CORO2B: variants seen among roughly 807,000 people sequenced by gnomAD.
The protein encoded by CORO2B is coronin 2B.
Under a neutral mutation model 58.8 loss-of-function variants are expected in CORO2B, and 26 were observed. The observed-to-expected ratio is 0.44, with a 90% CI of 0.32 to 0.61. CORO2B has a LOEUF of 0.61. CORO2B is among the 20% of genes least tolerant of loss of function. CORO2B has a pLI of 0.04. For synonymous variants in CORO2B, 242 were observed against 253.8 expected (o/e 0.95, Z 0.44); for missense variants, 460 against 645.1 (o/e 0.71, Z 3.11).
rs1892890762 is a variant in CORO2B, at chr15:68,710,600, C to A, written c.334-132C>A. The A allele has an allele frequency of 9.2e-7, 1 of 1,090,902 alleles. No individual in the cohort carries two copies. Among genetic ancestry groups the A allele is most frequent in the South Asian group, 1.9e-5 (1 of 51,350 alleles). 67.6% of individuals were successfully genotyped at this position (1,090,902 alleles called of 1,614,324 possible). A position where few individuals can be genotyped will look rare whatever the true frequency, so the allele number is the denominator to read the frequency against. ...CCAGCAGGCCTCAGTCGAGCTTTGC[C>A]CATCGCCTCAAGCCAGGAGGTGGCT... is the stretch of plus-strand genomic sequence containing the variant. On this transcript the variant is annotated intron_variant, in intron 3 of 11. Transcript: ENST00000261861. The surrounding 1 kb of genome is among the most constrained non-coding windows in gnomAD (Gnocchi z 4.1).
At chr15:68,698,896 C>G (rs1198752260) in intron 3 of CORO2B, among the ~76,000 whole-genome samples, 1 of 152,070 alleles carries the variant, frequency 6.6e-6, no homozygotes, top group African/African-American at 2.4e-5. Context: ...AAACGTGGTG[C>G]AGAATGAGGT....
chr15:68,657,925 A>G (rs532112425), intron 2 of CORO2B, among the ~76,000 whole-genome samples: 33 of 152,366 alleles, frequency 2.2e-4, no homozygotes, highest in Middle Eastern at 3.4e-3. Context: ...ATATTATTGT[A>G]TAAAATCAGG....
At chr15:68,572,807 T>C in the CORO2B span, among the ~76,000 whole-genome samples, 1 of 152,146 alleles carries the variant, frequency 6.6e-6, no homozygotes, top group Non-Finnish European at 1.5e-5. Flanking sequence ...GGAAATCTGG[T>C]TCCCAAGTCC....
intron 2 of CORO2B, among the ~76,000 whole-genome samples, chr15:68,658,192 G>A (rs1359806235): frequency 6.6e-6 from 1 of 152,242 alleles, no homozygotes; most frequent in Non-Finnish European, 1.5e-5. Flanking sequence ...GAAACTCTGT[G>A]CTTCTCCTCC....
At chr15:68,636,333 C>A (rs1901030265) in intron 1 of CORO2B, among the ~76,000 whole-genome samples, 1 of 152,142 alleles carries the variant, frequency 6.6e-6, no homozygotes, top group Non-Finnish European at 1.5e-5. Context: ...ACATGTCCGG[C>A]CTTGTTCACC....
chr15:68,683,933 G>T (rs1902877413), intron 2 of CORO2B, among the ~76,000 whole-genome samples: 1 of 152,182 alleles, frequency 6.6e-6, no homozygotes, highest in Non-Finnish European at 1.5e-5. Flanking sequence ...GTGCTGGGAT[G>T]ACAACAGCTC....
chr15:68,568,010 G>A, the CORO2B span, among the ~76,000 whole-genome samples: 2 of 152,150 alleles, frequency 1.3e-5, no homozygotes, highest in East Asian at 3.9e-4. Flanking sequence ...CAGAGTGAGA[G>A]TCCATCTCAA....
intron 2 of CORO2B, among the ~76,000 whole-genome samples, chr15:68,660,856 A>G (rs1901991034): frequency 6.6e-6 from 1 of 152,048 alleles, no homozygotes; most frequent in East Asian, 1.9e-4. Flanking sequence ...TTCTGTAACA[A>G]TGATGGTATC....
chr15:68,682,681 A>G (rs545923995), intron 2 of CORO2B, among the ~76,000 whole-genome samples: 6 of 152,282 alleles, frequency 3.9e-5, no homozygotes, highest in Non-Finnish European at 5.9e-5. Flanking sequence ...CTGCCCCCCA[A>G]AAATGCCTCA....
chr15:68,536,918 C>T, the CORO2B span, among the ~76,000 whole-genome samples: 1 of 152,154 alleles, frequency 6.6e-6, no homozygotes, highest in Non-Finnish European at 1.5e-5. Flanking sequence ...CCACCTGGAG[C>T]CAGGAAGTGA....
intron 2 of CORO2B, among the ~76,000 whole-genome samples, chr15:68,664,974 A>G (rs1460706966): frequency 2.1e-5 from 3 of 146,268 alleles, no homozygotes; most frequent in Non-Finnish European, 4.5e-5. Flanking sequence ...TGCAGTGCAG[A>G]TTTATTTGTT....
intron 2 of CORO2B, among the ~76,000 whole-genome samples, chr15:68,692,964 A>C (rs925345133): frequency 1.9e-4 from 29 of 152,160 alleles, no homozygotes; most frequent in African/African-American, 7.0e-4. Flanking sequence ...GCCCAAAAGT[A>C]ATTTAAAATA....
rs958234843 is a variant in CORO2B at position 68,580,954 on chromosome 15, G to T, written c.15+1677G>T. 5.9e-5 allele frequency among the ~76,000 whole-genome samples: 9 copies of T among 152,244 alleles called. No homozygotes were observed. In the South Asian group the frequency reaches 1.9e-3, roughly 32 times the overall value. On this transcript the variant is annotated intron_variant, in intron 1 of 11. Coordinates refer to ENST00000261861, the MANE Select transcript of CORO2B (RefSeq NM_006091.5). ...CAGAGAGGTGAAATGACTTGCCTGA[G>T]GTCACACAGCATGTATGTGGCAGAG...
At chr15:68,530,022 T>A in the CORO2B span, among the ~76,000 whole-genome samples, 3 of 152,186 alleles carry the variant, frequency 2.0e-5, no homozygotes, top group African/African-American at 2.4e-5. Context: ...TTTGTTTCAA[T>A]CCTTAAAAAT....
the CORO2B span, among the ~76,000 whole-genome samples, chr15:68,559,361 C>T: frequency 6.6e-6 from 1 of 151,998 alleles, no homozygotes; most frequent in African/African-American, 2.4e-5. The surrounding 1 kb of genome is among the most constrained non-coding windows in gnomAD (Gnocchi z 4.3). Context: ...AATTAAAAGC[C>T]TCCGAGACAT....
At chr15:68,601,470 A>G (rs973144365) in intron 1 of CORO2B, among the ~76,000 whole-genome samples, 4 of 152,150 alleles carry the variant, frequency 2.6e-5, no homozygotes, top group African/African-American at 9.7e-5. Context: ...GCTTACAGTC[A>G]AGAGTGGTGT....
At chr15:68,663,314 T>G (rs1401560623) in intron 2 of CORO2B, among the ~76,000 whole-genome samples, 2 of 152,240 alleles carry the variant, frequency 1.3e-5, no homozygotes, top group Non-Finnish European at 2.9e-5. Context: ...TTGATAAGTA[T>G]TTCCATTGTT....
intron 2 of CORO2B, among the ~76,000 whole-genome samples, chr15:68,677,054 A>G (rs1902610236): frequency 1.3e-5 from 2 of 152,132 alleles, no homozygotes; most frequent in African/African-American, 4.8e-5. Context: ...GATTACAGGC[A>G]TGAGCCACGG....
At chr15:68,672,692 T>C (rs1902443202) in intron 2 of CORO2B, among the ~76,000 whole-genome samples, 1 of 152,196 alleles carries the variant, frequency 6.6e-6, no homozygotes, top group South Asian at 2.1e-4. Context: ...ATGGTGCCTC[T>C]AGAACCAGGA....
Sources: gnomAD v4.1 joint callset for allele counts (sites outside exome capture counted in the v4.1 genomes callset) on GRCh38, gnomAD v4.1.1 for gene constraint, Gnocchi (gnomAD v3.1) non-coding constraint, MANE v1.5 for transcripts, NCBI Gene and HGNC (gene_info 2026-07-23, HGNC 2026-07-21) for gene names.